The following TMCO1 variants were observed in gnomAD, a reference collection of about 807,000 sequenced individuals.
TMCO1 encodes the protein calcium load-activated calcium channel.
A neutral mutation model predicts 29.3 loss-of-function variants in TMCO1; 29 were observed. The observed-to-expected ratio is 0.99, with a 90% CI of 0.74 to 1.35. TMCO1 has a LOEUF of 1.35. TMCO1 is among the 40% of genes most tolerant of loss of function. The probability of loss-of-function intolerance (pLI) is 0.00; values close to 1 mark genes in which losing one functional copy is unlikely to be tolerated. For missense variants in TMCO1, 173 were observed against 225.5 expected, an observed-to-expected ratio of 0.77 and a Z score of 1.49; for synonymous variants, 80 against 77.1, an observed-to-expected ratio of 1.04 and a Z score of -0.20.
chr1:165,743,893 C>G (rs1299813635), intron 5 of TMCO1, among the ~76,000 whole-genome samples: 1 of 150,544 alleles, frequency 6.6e-6, no homozygotes, highest in Non-Finnish European at 1.5e-5. Context: ...TGGAGTCTCG[C>G]TCTGTCACTC....
Position 165,759,548 on chromosome 1 carries a change from C to A in TMCO1, c.185G>T (p.Gly62Val), listed in dbSNP as rs776021960. Residue 62 changes from glycine to valine, a missense_variant, in exon 3 of 7, where the codon GGT becomes GTT. Coordinates refer to ENST00000367881, the MANE Select transcript of TMCO1 (RefSeq NM_019026.6). Reference protein sequence around the residue: ...KKKETITESAGRQQKKKIERQ... With the variant: ...KKKETITESAVRQQKKKIERQ... ...ACCTATTTTCTTTTTCTGTTGTCGACCAGCTGACTCTGTTATTGTTTCCTT... is the reference window on the plus strand; with the variant it reads ...ACCTATTTTCTTTTTCTGTTGTCGAACAGCTGACTCTGTTATTGTTTCCTT... The A allele has an allele frequency of 2.5e-6, 4 of 1,612,694 alleles. No homozygotes were observed. The Admixed American group carries it at 6.7e-5, about 27-fold the overall frequency.
At chr1:165,752,768 C>T (rs35075707) in intron 4 of TMCO1, among the ~76,000 whole-genome samples, 12,233 of 151,550 alleles carry the variant, frequency 0.081, 612 homozygotes, top group Middle Eastern at 0.13. Flanking sequence ...CACTCCTGCC[C>T]CAGGCGACAG....
At chr1:165,752,237 T>C in intron 4 of TMCO1, 68 bp from the exon 5 acceptor site, 1 of 1,302,158 alleles carries the variant, frequency 7.7e-7, no homozygotes. Flanking sequence ...ATCTCAAAAG[T>C]TTTGGTTTCA....
chr1:165,731,002 C>T (rs989370764), intron 6 of TMCO1, among the ~76,000 whole-genome samples: 3 of 151,836 alleles, frequency 2.0e-5, no homozygotes, highest in Non-Finnish European at 2.9e-5. Flanking sequence ...CAGGTTCAAG[C>T]GATCCTCCTG....
chr1:165,761,093 T>C (rs1454413410), intron 2 of TMCO1, among the ~76,000 whole-genome samples: 1 of 152,140 alleles, frequency 6.6e-6, no homozygotes, highest in Non-Finnish European at 1.5e-5. Flanking sequence ...TATCCAAGAA[T>C]TGTAAAATTC....
chr1:165,758,729 C>T lies in TMCO1; in HGVS notation c.208+796G>A, dbSNP rs374378178. ...CCAATGCTGTTAGGAGTAACTGACA[C>T]ATACAGCGTAAATGTTCAATAGCAT... On this transcript the variant is annotated intron_variant, in intron 3 of 6. Transcript: ENST00000367881. Among the ~76,000 whole-genome samples the T allele has an allele frequency of 8.3e-3, 1,177 of 141,818 alleles. 17 individuals carry two copies. Among genetic ancestry groups the T allele is most frequent in the Middle Eastern group, 0.025 (7 of 276 alleles). The allele number at this position is 141,818 out of a possible 152,430, so 93.0% of individuals were successfully genotyped here.
rs1336007256 is a variant in TMCO1 at position 165,752,178 on chromosome 1, A to G, written c.256-9T>C. ...ATGGATTTCATTCGAACCTGTAATG[A>G]GACGAACAAATTGTCATTTTACACT... On this transcript the variant is annotated splice_polypyrimidine_tract_variant and intron_variant, in intron 4 of 6. Coordinates refer to ENST00000367881, the MANE Select transcript of TMCO1 (RefSeq NM_019026.6). The G allele has an allele frequency of 1.2e-6, 2 of 1,610,846 alleles. No homozygotes were observed. Among genetic ancestry groups the G allele is most frequent in the Admixed American group, 1.7e-5 (1 of 59,976 alleles).
chr1:165,753,472 C>CAAAAAAA (rs35980344), intron 4 of TMCO1, among the ~76,000 whole-genome samples: 1 of 47,754 alleles, frequency 2.1e-5, no homozygotes, highest in African/African-American at 9.5e-5. Context: ...GACTCTGTCT[C>CAAAAAAA]AAAAAAAAAA....
At chr1:165,725,304 T>C (rs1398571119), downstream of TMCO1, 1 of 453,960 alleles carries the variant, frequency 2.2e-6, no homozygotes, top group Admixed American at 2.3e-5. Context: ...GCTCTATCAA[T>C]TGTCTGATGT....
Position 165,728,044 on chromosome 1 carries a change from A to AGGT in TMCO1, c.543_545dup (p.Pro183dup), listed in dbSNP as rs777739591. 4.4e-6 allele frequency: 7 copies of AGGT among 1,608,216 alleles called. No individual in the cohort carries two copies. The South Asian group carries it at 7.7e-5, about 18-fold the overall frequency. Reference sequence around the variant, plus strand: ...GAGTTCAAGAGAACTTCCCAGAAGGAGGTGGTGGGCCAAGAAATCCACCTG... The same window carrying AGGT: ...GAGTTCAAGAGAACTTCCCAGAAGGAGGTGGTGGTGGGCCAAGAAATCCACCTG... On this transcript the variant is annotated inframe_insertion, in exon 7 of 7. Transcript: ENST00000367881.
At chr1:165,752,945 T>G (rs1426751364) in intron 4 of TMCO1, among the ~76,000 whole-genome samples, 1 of 152,194 alleles carries the variant, frequency 6.6e-6, no homozygotes, top group Non-Finnish European at 1.5e-5. Flanking sequence ...TAATAAGTAC[T>G]GGCAAAAGGT....
chr1:165,751,661 C>T (rs528456565), intron 5 of TMCO1, among the ~76,000 whole-genome samples: 41 of 151,422 alleles, frequency 2.7e-4, no homozygotes, highest in Non-Finnish European at 4.4e-4. Flanking sequence ...GCCAAGATTG[C>T]GCCACTGCAC....
rs1253586909 is a variant in TMCO1 at position 165,754,235 on chromosome 1, A to G, written c.248T>C (p.Leu83Pro). Reference protein sequence around the residue: ...EEKLKNNNRDLSMVRMKSMFA... With the variant: ...EEKLKNNNRDPSMVRMKSMFA... ...TATAGTTAGGTCTCTTACCATTGATAGATCTCTGTTGTTATTCTTCAGTTT... is the reference window on the plus strand; with the variant it reads ...TATAGTTAGGTCTCTTACCATTGATGGATCTCTGTTGTTATTCTTCAGTTT... Residue 83 changes from leucine (L) to proline (P), a missense_variant, in exon 4 of 7, where the codon CTA becomes CCA. By Grantham distance (98) the Leu-to-Pro change is moderately conservative. Transcript: ENST00000367881. 4.3e-6 allele frequency: 7 copies of G among 1,610,600 alleles called. No homozygotes were observed. Among genetic ancestry groups the G allele is most frequent in the Non-Finnish European group, 4.2e-6 (5 of 1,177,236 alleles).
At position 165,743,277 on chromosome 1, in the gene TMCO1, TA is replaced by T. The variant is rs1405350077; in HGVS notation, c.357del (p.Phe119LeufsTer94). 6.2e-7 allele frequency: 1 copy of T among 1,607,092 alleles called. No individual in the cohort carries two copies. The highest frequency in any genetic ancestry group is 8.5e-7 in the Non-Finnish European group (1 of 1,178,168). ...FDGRVVAKLP[F>X]TPLSYIQGLS... The stretch of plus-strand genomic sequence containing the variant: ...AGTCCTTGGATGTAAGAAAGAGGGG[TA>T]AAAGGAAGCTTTGCCACCACTCTAC... On this transcript the variant is annotated frameshift_variant, in exon 6 of 7. Transcript: ENST00000367881. LOFTEE classifies it high-confidence loss of function.
intron 5 of TMCO1, among the ~76,000 whole-genome samples, chr1:165,745,717 C>G (rs1440918864): frequency 6.6e-6 from 1 of 152,002 alleles, no homozygotes; most frequent in African/African-American, 2.4e-5. Context: ...CCAATATAAT[C>G]AAAACATGTA....
At chr1:165,760,968 C>T (rs889107602) in intron 2 of TMCO1, among the ~76,000 whole-genome samples, 6 of 152,092 alleles carry the variant, frequency 3.9e-5, no homozygotes, top group African/African-American at 9.7e-5. Flanking sequence ...GCAAACAGTA[C>T]GGTATAGGTA....
At chr1:165,736,837 T>C (rs1249994786) in intron 6 of TMCO1, among the ~76,000 whole-genome samples, 1 of 152,216 alleles carries the variant, frequency 6.6e-6, no homozygotes, top group Non-Finnish European at 1.5e-5. Context: ...AGTCTTGCTC[T>C]GCCGCCCAGG....
At chr1:165,744,520 G>A (rs1221149796) in intron 5 of TMCO1, among the ~76,000 whole-genome samples, 4 of 152,024 alleles carry the variant, frequency 2.6e-5, no homozygotes, top group East Asian at 1.9e-4. Context: ...GGCTGGGCAC[G>A]GTGGCTCACA....
rs187220426 is a variant in TMCO1 at position 165,730,316 on chromosome 1, G to A, written c.469-2195C>T. On this transcript the variant is annotated intron_variant, in intron 6 of 6. Coordinates refer to ENST00000367881, the MANE Select transcript of TMCO1 (RefSeq NM_019026.6). ...CGCGCCACTGCACTCCAGCCTGGGCGACGGCGAGACTCCGTCTCAAAACAA... is the reference window on the plus strand; with the variant it reads ...CGCGCCACTGCACTCCAGCCTGGGCAACGGCGAGACTCCGTCTCAAAACAA... Among the ~76,000 whole-genome samples, 19 of 151,100 alleles carry A rather than the reference G, an allele frequency of 1.3e-4. No individual in the cohort carries two copies. In the East Asian group the frequency reaches 2.6e-3, roughly 20 times the overall value.
Sources: gnomAD v4.1 joint callset for allele counts (sites outside exome capture counted in the v4.1 genomes callset) on GRCh38, gnomAD v4.1.1 for gene constraint, MANE v1.5 for transcripts, NCBI Gene and HGNC (gene_info 2026-07-23, HGNC 2026-07-21) for gene names.